RIMS1: variants seen among roughly 807,000 people sequenced by gnomAD.
RIMS1 encodes regulating synaptic membrane exocytosis protein 1.
Under a neutral mutation model 214.1 loss-of-function variants are expected in RIMS1, and 83 were observed. The ratio of observed to expected loss-of-function variants is 0.39; its 90% CI spans 0.32 to 0.47. RIMS1 has a LOEUF of 0.47. Ranked by LOEUF, RIMS1 falls within the 20% of genes least tolerant of loss-of-function variation. The pLI is 0.99. For missense variants in RIMS1, 2,050 were observed against 2,161.8 expected (o/e 0.95, Z 1.03); for synonymous variants, 793 against 786.8 (o/e 1.01, Z -0.13).
chr6:72,054,032 C>A lies in RIMS1; in HGVS notation c.246-42917C>A, dbSNP rs182213192. 1.6e-4 allele frequency among the ~76,000 whole-genome samples: 25 copies of A among 152,084 alleles called. No homozygotes were observed. In the East Asian group the frequency reaches 4.6e-3, roughly 28 times the overall value. ...ATCAACCTTTCATCGAGGTTTTAAG[C>A]CCTGCATGCATTAGCTATTTGTCCT... is the stretch of plus-strand genomic sequence containing the variant. On this transcript the variant is annotated intron_variant, in intron 2 of 33. Transcript: ENST00000521978.
chr6:72,261,979 A>G, intron 19 of RIMS1: 2 of 984,600 alleles, frequency 2.0e-6, no homozygotes, highest in Non-Finnish European at 2.4e-6. Flanking sequence ...TCTTAAAATA[A>G]TGGTTTATTT....
chr6:72,062,202 G>A (rs2152253567), intron 2 of RIMS1, among the ~76,000 whole-genome samples: 1 of 152,108 alleles, frequency 6.6e-6, no homozygotes, highest in South Asian at 2.1e-4. Context: ...GGAGTCATGA[G>A]GCAACTGAGT....
At chr6:72,112,175 A>T (rs1404805348) in intron 4 of RIMS1, among the ~76,000 whole-genome samples, 1 of 152,072 alleles carries the variant, frequency 6.6e-6, no homozygotes, top group African/African-American at 2.4e-5. Flanking sequence ...CATCCAATTC[A>T]TCAGGAATTT....
At chr6:72,324,023 CATGCATAG>C (rs972531460) in intron 28 of RIMS1, among the ~76,000 whole-genome samples, 9 of 138,382 alleles carry the variant, frequency 6.5e-5, no homozygotes, top group African/African-American at 1.9e-4. Context: ...TGAGTGCATG[CATGCATAG>C]ATAGATAGAT....
At chr6:72,215,646 A>T (rs762037531) in intron 6 of RIMS1, among the ~76,000 whole-genome samples, 16 of 152,188 alleles carry the variant, frequency 1.1e-4, no homozygotes, top group Non-Finnish European at 2.1e-4. Flanking sequence ...CATTCAATTG[A>T]TGTTTATTTC....
intron 4 of RIMS1, among the ~76,000 whole-genome samples, chr6:72,120,281 G>T (rs899284608): frequency 6.6e-5 from 10 of 151,818 alleles, no homozygotes; most frequent in Non-Finnish European, 1.5e-4. Context: ...CAGTGTAAAA[G>T]TGTTCCTATT....
At chr6:72,254,245 A>G (rs2074793455) in intron 16 of RIMS1, among the ~76,000 whole-genome samples, 2 of 152,154 alleles carry the variant, frequency 1.3e-5, no homozygotes, top group Non-Finnish European at 2.9e-5. Flanking sequence ...GTGAAAATCT[A>G]TATACTTATA....
At chr6:72,215,767 G>A (rs963837858) in intron 6 of RIMS1, among the ~76,000 whole-genome samples, 7 of 152,252 alleles carry the variant, frequency 4.6e-5, no homozygotes, top group African/African-American at 9.6e-5. Context: ...GAGTGAGACC[G>A]TAAATATGTT....
At position 72,028,043 on chromosome 6, in the gene RIMS1, T is replaced by C. The variant is rs577717462; in HGVS notation, c.245+58980T>C. Among the ~76,000 whole-genome samples, 77 of 152,284 alleles carry C rather than the reference T, an allele frequency of 5.1e-4. 2 individuals are homozygous for C. The South Asian group carries it at 0.016, about 31-fold the overall frequency. On this transcript the variant is annotated intron_variant, in intron 2 of 33. Coordinates refer to ENST00000521978, the MANE Select transcript of RIMS1 (RefSeq NM_014989.7). ...AAAGAAAAGCCTAATCAAACTGATA[T>C]GTACCAGGTTGTATAGGCTATCAAA...
At chr6:71,903,983 T>G (rs1774530962) in intron 1 of RIMS1, among the ~76,000 whole-genome samples, 1 of 152,184 alleles carries the variant, frequency 6.6e-6, no homozygotes, top group Admixed American at 6.6e-5. Flanking sequence ...AGATAAATTA[T>G]CCTTCCTCTT....
intron 1 of RIMS1, among the ~76,000 whole-genome samples, chr6:71,916,337 A>C (rs1257691778): frequency 6.6e-6 from 1 of 152,140 alleles, no homozygotes; most frequent in Non-Finnish European, 1.5e-5. Flanking sequence ...AGATCATTTC[A>C]TTGATGAGAG....
chr6:72,384,790 T>C (rs539349406), intron 29 of RIMS1, among the ~76,000 whole-genome samples: 38 of 152,346 alleles, frequency 2.5e-4, no homozygotes, highest in African/African-American at 8.9e-4. Context: ...AATACATGTT[T>C]ACTGTATTCC....
At chr6:71,913,330 G>A (rs890651851) in intron 1 of RIMS1, among the ~76,000 whole-genome samples, 4 of 152,058 alleles carry the variant, frequency 2.6e-5, no homozygotes, top group Admixed American at 6.6e-5. Context: ...GAAAAGGAGG[G>A]GCTTGAAGGG....
chr6:71,910,887 T>C (rs1161077363), intron 1 of RIMS1, among the ~76,000 whole-genome samples: 1 of 151,948 alleles, frequency 6.6e-6, no homozygotes, highest in Admixed American at 6.6e-5. Flanking sequence ...TTGGGGAGAG[T>C]TGGCAGCTCT....
At chr6:72,017,580 A>C (rs1467694723) in intron 2 of RIMS1, among the ~76,000 whole-genome samples, 9 of 152,220 alleles carry the variant, frequency 5.9e-5, no homozygotes, top group Admixed American at 5.9e-4. Flanking sequence ...TATTTATTTA[A>C]AAATATTTCA....
intron 4 of RIMS1, among the ~76,000 whole-genome samples, chr6:72,132,965 T>A (rs1246706971): frequency 6.6e-6 from 1 of 151,938 alleles, no homozygotes; most frequent in Non-Finnish European, 1.5e-5. Context: ...TTTTATTAAT[T>A]GTCAAGACAA....
chr6:72,089,689 A>G (rs1835642897), intron 2 of RIMS1, among the ~76,000 whole-genome samples: 1 of 151,404 alleles, frequency 6.6e-6, no homozygotes, highest in African/African-American at 2.4e-5. Flanking sequence ...AAATGACTAT[A>G]AATCATGCTG....
Position 72,260,784 on chromosome 6 carries a change from G to C in RIMS1, c.3116+17G>C, listed in dbSNP as rs764862311. On this transcript the variant is annotated intron_variant, in intron 19 of 33. Transcript: ENST00000521978. ...TACTACCAGGTAAATACAGGGATTT[G>C]GTAATGGTGACTGTGTGTGATGACT... The C allele has an allele frequency of 6.2e-7, 1 of 1,611,040 alleles. No individual in the cohort carries two copies. Among genetic ancestry groups the C allele is most frequent in the Non-Finnish European group, 8.5e-7 (1 of 1,178,288 alleles).
At chr6:72,169,978 T>G (rs144879619) in intron 4 of RIMS1, among the ~76,000 whole-genome samples, 1 of 152,334 alleles carries the variant, frequency 6.6e-6, no homozygotes, top group Non-Finnish European at 1.5e-5. Context: ...TTACTCATCA[T>G]AAAAGTCAAA....
Sources: allele counts gnomAD v4.1 joint callset (sites outside exome capture counted in the v4.1 genomes callset), GRCh38; gene constraint gnomAD v4.1.1; transcripts MANE v1.5; gene names NCBI Gene and HGNC (gene_info 2026-07-23, HGNC 2026-07-21).